RASSF3: variants seen among roughly 807,000 people sequenced by gnomAD.
The protein encoded by RASSF3 is Ras association domain family member 3.
RASSF3 carries 19 observed loss-of-function variants against 19.9 expected under a neutral mutation model. The ratio of observed to expected loss-of-function variants is 0.96; its 90% CI spans 0.67 to 1.40. The LOEUF (loss-of-function observed/expected upper bound fraction) is 1.40. Ranked by LOEUF, RASSF3 falls within the 40% of genes most tolerant of loss-of-function variation. The pLI, the probability that RASSF3 is intolerant of heterozygous loss-of-function variation, is 0.00. For missense variants in RASSF3, 306 were observed against 289.8 expected, an observed-to-expected ratio of 1.06 and a Z score of -0.41; for synonymous variants, 110 against 104.2, an observed-to-expected ratio of 1.06 and a Z score of -0.34.
chr12:64,526,754 C>T (rs766122368), intron 1 of RASSF3, among the ~76,000 whole-genome samples: 2 of 152,158 alleles, frequency 1.3e-5, no homozygotes, highest in African/African-American at 2.4e-5. Context: ...CTATGTTGCA[C>T]AGGCTGGTCT....
chr12:64,527,254 G>A (rs1868607986), intron 1 of RASSF3, among the ~76,000 whole-genome samples: 1 of 152,206 alleles, frequency 6.6e-6, no homozygotes, highest in Non-Finnish European at 1.5e-5. Flanking sequence ...CAGGGCTTGA[G>A]GTTAGAACCT....
chr12:64,623,986 T>C (rs1294467426), intron 1 of RASSF3, among the ~76,000 whole-genome samples: 2 of 151,916 alleles, frequency 1.3e-5, no homozygotes, highest in African/African-American at 4.9e-5. Context: ...GCTTTTCCTC[T>C]GACCAGATTT....
intron 1 of RASSF3, among the ~76,000 whole-genome samples, chr12:64,650,858 C>T (rs1871928356): frequency 6.6e-6 from 1 of 152,196 alleles, no homozygotes; most frequent in Admixed American, 6.5e-5. Context: ...GTATCATCCT[C>T]ATTGGAAAAC....
In RASSF3 at chr12:64,697,334, C is replaced by T. The variant is rs112672533; in HGVS notation, c.*2422C>T. On this transcript the variant is annotated 3_prime_UTR_variant, in exon 5 of 5. Coordinates refer to ENST00000542104, the MANE Select transcript of RASSF3 (RefSeq NM_178169.4). ...TCATTGTACAAATCATTATGTTAAA[C>T]TATCTAAGCTTTGCTGTAATACTGT... 35 of 152,264 alleles carry T rather than the reference C, an allele frequency of 2.3e-4. No individual in the cohort carries two copies. The highest frequency in any genetic ancestry group is 7.9e-4 in the African/African-American group (33 of 41,550). 9.4% of individuals were successfully genotyped at this position (152,264 alleles called of 1,614,324 possible). A position where few individuals can be genotyped will look rare whatever the true frequency, so the allele number is the denominator to read the frequency against.
intron 1 of RASSF3, among the ~76,000 whole-genome samples, chr12:64,642,484 C>G (rs1871570596): frequency 1.4e-5 from 2 of 137,936 alleles, no homozygotes; most frequent in Admixed American, 8.1e-5. Flanking sequence ...CGCTTGAATC[C>G]TGGAAGCAGA....
chr12:64,569,213 C>T (rs899461869), intron 2 of RASSF3, among the ~76,000 whole-genome samples: 4 of 152,216 alleles, frequency 2.6e-5, no homozygotes, highest in African/African-American at 7.2e-5. Flanking sequence ...TTGCCTCTCC[C>T]GGACTGATAC....
chr12:64,670,029 G>GTT (rs376330782), intron 1 of RASSF3, among the ~76,000 whole-genome samples: 44 of 146,478 alleles, frequency 3.0e-4, no homozygotes, highest in Non-Finnish European at 5.3e-4. Flanking sequence ...GGCAGTATCA[G>GTT]TTTTTTTTTT....
upstream of RASSF3, chr12:64,506,965 G>A (rs1236385177): frequency 5.4e-6 from 2 of 368,804 alleles, no homozygotes; most frequent in Non-Finnish European, 9.6e-6. Context: ...CTTCTCTTAA[G>A]AAAGCTTAAA....
chr12:64,602,134 T>A (rs1044152511), intron 2 of RASSF3, among the ~76,000 whole-genome samples: 2 of 146,598 alleles, frequency 1.4e-5, no homozygotes, highest in East Asian at 2.1e-4. Flanking sequence ...AAAAAAAAAA[T>A]TAAGAAATAT....
At chr12:64,555,480 T>G (rs1431980086) in intron 2 of RASSF3, among the ~76,000 whole-genome samples, 1 of 152,170 alleles carries the variant, frequency 6.6e-6, no homozygotes, top group Non-Finnish European at 1.5e-5. Flanking sequence ...CCGGGCACGG[T>G]GGCTCACGCC....
chr12:64,678,773 A>G (rs1873009197), intron 1 of RASSF3, among the ~76,000 whole-genome samples: 1 of 152,104 alleles, frequency 6.6e-6, no homozygotes, highest in South Asian at 2.1e-4. Flanking sequence ...TGTCTCTCAC[A>G]GCTTTAAGTG....
At chr12:64,531,604 C>T (rs1868710402), upstream of RASSF3, among the ~76,000 whole-genome samples, 1 of 152,126 alleles carries the variant, frequency 6.6e-6, no homozygotes, top group Non-Finnish European at 1.5e-5. Context: ...GAATTGTATT[C>T]CATAATAACT....
chr12:64,610,170 G>A (rs1023540539), upstream of RASSF3, among the ~76,000 whole-genome samples: 1 of 152,232 alleles, frequency 6.6e-6, no homozygotes, highest in African/African-American at 2.4e-5. Context: ...AGCCAGCGAG[G>A]CTGGGGGCGG....
chr12:64,555,750 A>G (rs1273994273), intron 2 of RASSF3, among the ~76,000 whole-genome samples: 2 of 37,410 alleles, frequency 5.3e-5, no homozygotes, highest in Non-Finnish European at 1.8e-4. Context: ...CTCTATCTCA[A>G]AAAAAAAAAA....
intron 2 of RASSF3, among the ~76,000 whole-genome samples, chr12:64,553,345 CG>C (rs1565837997): frequency 6.6e-6 from 1 of 151,984 alleles, no homozygotes; most frequent in African/African-American, 2.4e-5. Context: ...GAGGGTGGAC[CG>C]GGGGGTTAAA....
chr12:64,562,007 T>TTATA (rs1869356037), intron 2 of RASSF3, among the ~76,000 whole-genome samples: 1 of 115,578 alleles, frequency 8.7e-6, no homozygotes. Flanking sequence ...ATTTATTTAT[T>TTATA]TATTTATTTA....
chr12:64,601,666 T>A (rs538213907), intron 2 of RASSF3, among the ~76,000 whole-genome samples: 1 of 150,572 alleles, frequency 6.6e-6, no homozygotes, highest in South Asian at 2.1e-4. Flanking sequence ...TACAAAAAAT[T>A]AGCTGGCGTG....
chr12:64,605,780 C>T (rs529116832), upstream of RASSF3, among the ~76,000 whole-genome samples: 17 of 149,336 alleles, frequency 1.1e-4, no homozygotes, highest in East Asian at 6.1e-4. Context: ...CCTAGCTACT[C>T]GGGAGGCTGA....
intron 1 of RASSF3, among the ~76,000 whole-genome samples, chr12:64,657,048 C>T (rs1592449682): frequency 2.1e-5 from 3 of 145,740 alleles, no homozygotes; most frequent in South Asian, 4.4e-4. Flanking sequence ...CTTACTCTGT[C>T]GCCCAGGCTG....
Sources: gnomAD v4.1 joint callset for allele counts (sites outside exome capture counted in the v4.1 genomes callset) on GRCh38, gnomAD v4.1.1 for gene constraint, MANE v1.5 for transcripts, NCBI Gene and HGNC (gene_info 2026-07-23, HGNC 2026-07-21) for gene names.